FBXW8: variants seen among roughly 807,000 people sequenced by gnomAD.
FBXW8 encodes the protein F-box/WD repeat-containing protein 8.
FBXW8 carries 57 observed loss-of-function variants against 65.3 expected under a neutral mutation model. The observed-to-expected ratio is 0.87, with a 90% CI of 0.71 to 1.09. FBXW8 has a LOEUF of 1.09. Among genes scored for constraint, FBXW8 ranks in the 50% least tolerant of loss-of-function variants. FBXW8 has a pLI of 0.00. For synonymous variants in FBXW8, 308 were observed against 330.2 expected, an observed-to-expected ratio of 0.93 and a Z score of 0.73; for missense variants, 777 against 814.8, an observed-to-expected ratio of 0.95 and a Z score of 0.57.
chr12:116,915,475 ACAG>A (rs1018449489), intron 1 of FBXW8, among the ~76,000 whole-genome samples: 9 of 152,126 alleles, frequency 5.9e-5, no homozygotes, highest in African/African-American at 1.9e-4. Flanking sequence ...ATCCATGTAA[ACAG>A]CAGCCAGGTC....
At chr12:116,996,597 T>C (rs1398077675) in intron 7 of FBXW8, among the ~76,000 whole-genome samples, 1 of 152,128 alleles carries the variant, frequency 6.6e-6, no homozygotes, top group Non-Finnish European at 1.5e-5. Flanking sequence ...AAATTTTAAA[T>C]GAAAAAAATT....
At chr12:116,911,541 G>A (rs1363920680) in intron 1 of FBXW8, among the ~76,000 whole-genome samples, 186 bp downstream of exon 1, 2 of 152,170 alleles carry the variant, frequency 1.3e-5, no homozygotes, top group African/African-American at 4.8e-5. Flanking sequence ...CAACCAGGGC[G>A]ATTTTGTTCC....
intron 4 of FBXW8, among the ~76,000 whole-genome samples, chr12:116,958,401 A>G (rs1883784457): frequency 6.6e-6 from 1 of 152,248 alleles, no homozygotes; most frequent in South Asian, 2.1e-4. Flanking sequence ...TTACATATTA[A>G]GGGCACGAAT....
At chr12:116,927,317 T>C (rs185120198) in intron 1 of FBXW8, among the ~76,000 whole-genome samples, 35 of 152,310 alleles carry the variant, frequency 2.3e-4, no homozygotes, top group African/African-American at 8.4e-4. Context: ...AGCTCTGATT[T>C]CTCTGCATTA....
chr12:117,007,351 C>T (rs940528066), intron 7 of FBXW8, among the ~76,000 whole-genome samples: 1 of 152,064 alleles, frequency 6.6e-6, no homozygotes, highest in African/African-American at 2.4e-5. Flanking sequence ...CTAGGTCTAC[C>T]TGCAAGCCAA....
chr12:117,029,736 A>G lies in FBXW8; in HGVS notation c.*1564A>G, dbSNP rs1472652298. ...GCAATTCTCCTGCCTCAGCCTCCTG[A>G]GTAGCTGGGATTACAGGCGTCCGCT... On this transcript the variant is annotated 3_prime_UTR_variant, in exon 11 of 11. Transcript: ENST00000652555. The G allele has an allele frequency of 6.6e-6, 1 of 152,020 alleles. No individual in the cohort carries two copies. The highest frequency in any genetic ancestry group is 1.5e-5 in the Non-Finnish European group (1 of 68,076). 9.4% of individuals were successfully genotyped at this position (152,020 alleles called of 1,614,324 possible).
chr12:116,934,400 C>T (rs1166178671), intron 2 of FBXW8, among the ~76,000 whole-genome samples: 1 of 152,122 alleles, frequency 6.6e-6, no homozygotes, highest in East Asian at 1.9e-4. Context: ...GTTCATTGAA[C>T]AGGTTTGTAA....
At chr12:116,951,062 G>A (rs1248717526) in intron 4 of FBXW8, 1 of 152,190 alleles carries the variant, frequency 6.6e-6, no homozygotes, top group Non-Finnish European at 1.5e-5. Context: ...CCGAAGGGCA[G>A]GCCCCCTACG....
intron 5 of FBXW8, among the ~76,000 whole-genome samples, chr12:116,979,994 T>A (rs1356610116): frequency 6.6e-6 from 1 of 151,960 alleles, no homozygotes; most frequent in Non-Finnish European, 1.5e-5. Context: ...TTTGAGTTAG[T>A]CTTTTGGCCT....
intron 7 of FBXW8, among the ~76,000 whole-genome samples, chr12:117,000,350 A>AGT (rs915357225): frequency 9.8e-5 from 15 of 152,360 alleles, no homozygotes; most frequent in Middle Eastern, 3.4e-3. Context: ...GGAAGCAGGA[A>AGT]GTAAGCACTG....
rs1057157358 is a variant in FBXW8, at chr12:117,028,734, T to C, written c.*562T>C. The stretch of plus-strand genomic sequence containing the variant: ...TTTCTTCACAGCTTTTACCATGGTT[T>C]ATAATTATATACTTATACAGTTTAG... On this transcript the variant is annotated 3_prime_UTR_variant, in exon 11 of 11. Coordinates refer to ENST00000652555, the MANE Select transcript of FBXW8 (RefSeq NM_153348.3). This position sits in a 1 kb window ranked among gnomAD's most constrained non-coding sequence, Gnocchi z 4.1. 1 of 156,150 alleles carries C rather than the reference T, an allele frequency of 6.4e-6. No individual in the cohort carries two copies. Among genetic ancestry groups the C allele is most frequent in the Non-Finnish European group, 1.4e-5 (1 of 70,298 alleles). The allele number at this position is 156,150 out of a possible 1,614,324, so 9.7% of individuals were successfully genotyped here.
chr12:117,002,497 G>A (rs963389153), intron 7 of FBXW8: 1 of 152,194 alleles, frequency 6.6e-6, no homozygotes, highest in Non-Finnish European at 1.5e-5. Context: ...CATCTTGCCG[G>A]TTGCTGCTGC....
intron 8 of FBXW8, among the ~76,000 whole-genome samples, chr12:117,019,995 G>C (rs1480156679): frequency 6.6e-6 from 1 of 152,198 alleles, no homozygotes; most frequent in African/African-American, 2.4e-5. Context: ...AGCCTTGTCA[G>C]CCTCCCTCAT....
intron 7 of FBXW8, among the ~76,000 whole-genome samples, chr12:116,993,098 C>CTTTTTTTTTT (rs71099026): frequency 9.4e-5 from 8 of 85,402 alleles, no homozygotes; most frequent in Admixed American, 1.9e-4. Context: ...TGATTTTTGA[C>CTTTTTTTTTT]TTTTTTTTTT....
intron 1 of FBXW8, among the ~76,000 whole-genome samples, chr12:116,924,238 G>C (rs1881145073): frequency 6.6e-6 from 1 of 151,972 alleles, no homozygotes; most frequent in African/African-American, 2.4e-5. Flanking sequence ...ATAACTTTTT[G>C]GATGGCTATG....
At chr12:117,025,684 C>T (rs559917942) in intron 9 of FBXW8, among the ~76,000 whole-genome samples, 2 of 152,182 alleles carry the variant, frequency 1.3e-5, no homozygotes, top group African/African-American at 4.8e-5. Context: ...GAGGGCGCCT[C>T]GGCCCTTTTT....
intron 5 of FBXW8, among the ~76,000 whole-genome samples, chr12:116,980,856 A>G (rs1285457588): frequency 2.6e-5 from 4 of 152,122 alleles, no homozygotes; most frequent in African/African-American, 4.8e-5. Flanking sequence ...ATTGTGTTTT[A>G]TATTTTAGTT....
At chr12:116,986,293 A>C (rs1885669217) in intron 6 of FBXW8, 1 of 152,178 alleles carries the variant, frequency 6.6e-6, no homozygotes, top group Non-Finnish European at 1.5e-5. Flanking sequence ...CTCCCCTAAA[A>C]TGGCCTGATG....
intron 8 of FBXW8, among the ~76,000 whole-genome samples, chr12:117,020,124 C>G (rs1954060071): frequency 1.3e-5 from 2 of 152,122 alleles, no homozygotes; most frequent in South Asian, 4.1e-4. Context: ...TAGTTCTGCC[C>G]CGGGTCCCAC....
Sources: gnomAD v4.1 joint callset for allele counts (sites outside exome capture counted in the v4.1 genomes callset) on GRCh38, gnomAD v4.1.1 for gene constraint, Gnocchi (gnomAD v3.1) non-coding constraint, MANE v1.5 for transcripts, NCBI Gene and HGNC (gene_info 2026-07-23, HGNC 2026-07-21) for gene names.